The following VPS13C variants were observed in gnomAD, a reference collection of about 807,000 sequenced individuals.
VPS13C encodes intermembrane lipid transfer protein VPS13C.
In VPS13C, 358 loss-of-function variants were observed where a neutral mutation model predicts 456.8. That is an observed-to-expected ratio of 0.78 (90% CI 0.72 to 0.86). VPS13C has a LOEUF of 0.86. Among genes scored for constraint, VPS13C ranks in the 40% least tolerant of loss-of-function variants. The pLI is 0.00. For synonymous variants in VPS13C, 1,578 were observed against 1,486.7 expected, an observed-to-expected ratio of 1.06 and a Z score of -1.41; for missense variants, 4,818 against 4,385.4, an observed-to-expected ratio of 1.10 and a Z score of -2.79.
At chr15:61,970,859 T>A (rs937379543) in intron 27 of VPS13C, among the ~76,000 whole-genome samples, 1 of 125,852 alleles carries the variant, frequency 7.9e-6, no homozygotes. Flanking sequence ...GAAGTTAGTT[T>A]AAAAAAAAAA....
At chr15:61,938,550 C>T (rs186339522) in intron 47 of VPS13C, among the ~76,000 whole-genome samples, 1 of 152,304 alleles carries the variant, frequency 6.6e-6, no homozygotes, top group Admixed American at 6.5e-5. Context: ...GCCTCATCCA[C>T]TGTTGCTGCA....
chr15:62,000,091 G>GT (rs2140455832), intron 16 of VPS13C, among the ~76,000 whole-genome samples: 1 of 152,296 alleles, frequency 6.6e-6, no homozygotes, highest in African/African-American at 2.4e-5. Flanking sequence ...GCCAGGCGCA[G>GT]TGGCTCACGC....
chr15:61,860,256 G>A (rs993373461), intron 82 of VPS13C, among the ~76,000 whole-genome samples: 1 of 152,016 alleles, frequency 6.6e-6, no homozygotes, highest in Non-Finnish European at 1.5e-5. Context: ...AGTAATCAAA[G>A]AAATGCTAAT....
intron 74 of VPS13C, among the ~76,000 whole-genome samples, chr15:61,878,151 CTGAAATTTAGTAGTGTACA>C (rs1895592460): frequency 6.6e-6 from 1 of 151,652 alleles, no homozygotes; most frequent in East Asian, 1.9e-4. Context: ...TTCGTTTCCT[CTGAAATTTAGTAGTGTACA>C]TGTAAGGTAA....
chr15:61,937,810 C>A (rs538696826), intron 47 of VPS13C, among the ~76,000 whole-genome samples: 11 of 152,284 alleles, frequency 7.2e-5, no homozygotes, highest in African/African-American at 2.4e-4. Context: ...TCACAGATGG[C>A]TGCAGAACAA....
intron 66 of VPS13C, among the ~76,000 whole-genome samples, chr15:61,902,133 G>T (rs2140116926): frequency 7.8e-6 from 1 of 127,462 alleles, no homozygotes; most frequent in African/African-American, 2.9e-5. Context: ...GAGGGGGAGG[G>T]ATAGCATTGG....
intron 48 of VPS13C, 26 bp downstream of exon 48, chr15:61,936,571 A>G (rs35523559): frequency 6.6e-7 from 1 of 1,504,598 alleles, no homozygotes; most frequent in Admixed American, 2.3e-5. Context: ...TTTTTTCTCC[A>G]TAAAGTAAAT....
At chr15:61,880,532 C>A in intron 73 of VPS13C, 77 bp downstream of exon 73, 1 of 915,324 alleles carries the variant, frequency 1.1e-6, no homozygotes, top group South Asian at 2.0e-5. Context: ...CAAATTAAAA[C>A]CTACCTTGGT....
At chr15:61,961,433 ACACACACAC>A (rs2045202303) in intron 35 of VPS13C, among the ~76,000 whole-genome samples, 147 bp downstream of exon 35, 4 of 141,360 alleles carry the variant, frequency 2.8e-5, no homozygotes, top group African/African-American at 8.1e-5. Context: ...ACACACACAC[ACACACACAC>A]AAAACAATGA....
rs190612092 is a variant in VPS13C, at chr15:62,022,392, G to C, written c.624+1019C>G. Among the ~76,000 whole-genome samples the C allele has an allele frequency of 3.9e-5, 6 of 151,936 alleles. No homozygotes were observed. In the East Asian group the frequency reaches 1.2e-3, roughly 29 times the overall value. On this transcript the variant is annotated intron_variant, in intron 8 of 84. Transcript: ENST00000644861. ...AGTAATTTACATTCCCACCAACATTGTACCCAGGTTCACTTTTCTCGACAT... is the reference window on the plus strand; with the variant it reads ...AGTAATTTACATTCCCACCAACATTCTACCCAGGTTCACTTTTCTCGACAT...
intron 16 of VPS13C, 61 bp from the exon 17 acceptor site, chr15:61,991,863 A>G: frequency 6.6e-7 from 1 of 1,520,352 alleles, no homozygotes; most frequent in Non-Finnish European, 8.8e-7. Flanking sequence ...TTTCAGGTGT[A>G]GCCTGGGAAA....
intron 19 of VPS13C, 135 bp downstream of exon 19, chr15:61,984,722 A>G (rs2045986465): frequency 2.3e-6 from 2 of 862,428 alleles, no homozygotes; most frequent in East Asian, 5.5e-5. Context: ...GCAAATATAA[A>G]AAGGCTATCT....
intron 1 of VPS13C, among the ~76,000 whole-genome samples, chr15:62,047,997 A>AG (rs932370617): frequency 2.5e-4 from 38 of 152,208 alleles, no homozygotes; most frequent in African/African-American, 8.9e-4. Context: ...ACCAGGGCTA[A>AG]GAACACATAG....
chr15:62,053,203 A>G (rs1487094817), intron 1 of VPS13C, among the ~76,000 whole-genome samples: 1 of 152,184 alleles, frequency 6.6e-6, no homozygotes, highest in Non-Finnish European at 1.5e-5. Flanking sequence ...TGTGGCCTCC[A>G]CTACACCAAG....
intron 12 of VPS13C, 98 bp downstream of exon 12, chr15:62,012,009 C>A: frequency 1.4e-6 from 1 of 739,996 alleles, no homozygotes; most frequent in Non-Finnish European, 2.2e-6. Flanking sequence ...AATTAATATA[C>A]TTTGACTAAG....
intron 11 of VPS13C, among the ~76,000 whole-genome samples, 157 bp from the exon 12 acceptor site, chr15:62,012,321 C>G (rs954504079): frequency 6.6e-6 from 1 of 151,396 alleles, no homozygotes; most frequent in Non-Finnish European, 1.5e-5. Flanking sequence ...GAAAAATACA[C>G]GGAGCATTAT....
At chr15:61,894,317 A>C (rs924715059) in intron 66 of VPS13C, among the ~76,000 whole-genome samples, 1 of 151,128 alleles carries the variant, frequency 6.6e-6, no homozygotes, top group Non-Finnish European at 1.5e-5. Context: ...CAAAACAAAA[A>C]GCAGAAAAAA....
intron 39 of VPS13C, among the ~76,000 whole-genome samples, chr15:61,951,564 A>C (rs1376317039): frequency 6.6e-6 from 1 of 152,170 alleles, no homozygotes; most frequent in Admixed American, 6.5e-5. Flanking sequence ...AATACATATT[A>C]ACATAATCAA....
chr15:61,906,999 AG>A, intron 66 of VPS13C: 2 of 353,850 alleles, frequency 5.7e-6, no homozygotes, highest in Non-Finnish European at 1.0e-5. Context: ...CTTTTAAAAT[AG>A]GTAAATTAAT....
Sources: allele counts gnomAD v4.1 joint callset (sites outside exome capture counted in the v4.1 genomes callset), GRCh38; gene constraint gnomAD v4.1.1; transcripts MANE v1.5; gene names NCBI Gene and HGNC (gene_info 2026-07-23, HGNC 2026-07-21).